Variants in FSTL5 observed in about 807,000 individuals in gnomAD.
FSTL5 encodes the protein follistatin like 5.
FSTL5 carries 62 observed loss-of-function variants against 89.1 expected under a neutral mutation model. The observed-to-expected ratio is 0.70, with a 90% confidence interval of 0.57 to 0.86. FSTL5 has a LOEUF of 0.86. Among genes scored for constraint, FSTL5 ranks in the 40% least tolerant of loss-of-function variants. The pLI, the probability that FSTL5 is intolerant of heterozygous loss-of-function variation, is 0.00. For synonymous variants in FSTL5, 383 were observed against 346.2 expected (o/e 1.11, Z -1.18); for missense variants, 1,057 against 1,001.6 (o/e 1.06, Z -0.75).
chr4:161,714,471 T>A (rs756563594), intron 6 of FSTL5, among the ~76,000 whole-genome samples: 1 of 152,128 alleles, frequency 6.6e-6, no homozygotes, highest in African/African-American at 2.4e-5. Flanking sequence ...AATAGAAAAA[T>A]AATTTTAAAA....
chr4:161,844,355 C>A (rs966874146), intron 4 of FSTL5, among the ~76,000 whole-genome samples: 11 of 152,096 alleles, frequency 7.2e-5, no homozygotes, highest in African/African-American at 2.4e-4. Context: ...TTAGTTCAAC[C>A]ATTGTGGAAG....
At chr4:161,923,670 T>A (rs1038268389) in intron 3 of FSTL5, among the ~76,000 whole-genome samples, 1 of 151,772 alleles carries the variant, frequency 6.6e-6, no homozygotes, top group Non-Finnish European at 1.5e-5. Flanking sequence ...CAAATTGAGG[T>A]AGCTTTATGA....
chr4:162,021,840 C>T (rs1451206743), intron 3 of FSTL5, among the ~76,000 whole-genome samples: 11 of 149,876 alleles, frequency 7.3e-5, no homozygotes. Flanking sequence ...CACCTGTAAT[C>T]CCAGCACTTT....
intron 7 of FSTL5, among the ~76,000 whole-genome samples, chr4:161,613,400 A>G (rs1245050984): frequency 6.6e-6 from 1 of 151,540 alleles, no homozygotes; most frequent in African/African-American, 2.4e-5. Flanking sequence ...CAGGGAGCCG[A>G]GATGGTGCCA....
At chr4:161,540,152 C>T (rs1056271821) in intron 9 of FSTL5, among the ~76,000 whole-genome samples, 6 of 152,128 alleles carry the variant, frequency 3.9e-5, no homozygotes, top group Non-Finnish European at 8.8e-5. Flanking sequence ...ATCTGCCTTC[C>T]TAACCTCTAG....
intron 4 of FSTL5, among the ~76,000 whole-genome samples, chr4:161,858,991 G>A (rs1731815711): frequency 6.6e-6 from 1 of 152,108 alleles, no homozygotes; most frequent in African/African-American, 2.4e-5. Context: ...ATCTTCACTG[G>A]GAAAATGTCT....
intron 4 of FSTL5, among the ~76,000 whole-genome samples, chr4:161,863,425 CA>C (rs1731979602): frequency 6.6e-6 from 1 of 152,078 alleles, no homozygotes; most frequent in South Asian, 2.1e-4. Flanking sequence ...AAAGTCAACA[CA>C]AAAAGGAAAA....
chr4:161,398,431 T>C (rs963803761), intron 15 of FSTL5, among the ~76,000 whole-genome samples: 4 of 152,130 alleles, frequency 2.6e-5, no homozygotes, highest in Admixed American at 2.0e-4. Context: ...TGCTCTTTTA[T>C]GTAATTGCTT....
rs183774288 is a variant in FSTL5 at position 161,975,344 on chromosome 4, G to C, written c.161-54692C>G. On this transcript the variant is annotated intron_variant, in intron 3 of 15. Transcript: ENST00000306100. ...CATTATTCACAATAGTAAAGACTTGGAACCAACCCAAACGTCCAACAGTGA... is the reference window on the plus strand; with the variant it reads ...CATTATTCACAATAGTAAAGACTTGCAACCAACCCAAACGTCCAACAGTGA... Among the ~76,000 whole-genome samples, 1,178 of 152,174 alleles carry C rather than the reference G, an allele frequency of 7.7e-3. 16 individuals are homozygous for C. The highest frequency in any genetic ancestry group is 0.027 in the African/African-American group (1,119 of 41,488).
chr4:161,848,036 CAAAAAAAAAAA>C (rs139315536), intron 4 of FSTL5, among the ~76,000 whole-genome samples: 739 of 48,234 alleles, frequency 0.015, 13 homozygotes, highest in African/African-American at 0.063. Flanking sequence ...GACTCCGTCT[CAAAAAAAAAAA>C]AAAAAAAAAA....
At chr4:161,699,861 T>C (rs1383720096) in intron 6 of FSTL5, among the ~76,000 whole-genome samples, 1 of 152,122 alleles carries the variant, frequency 6.6e-6, no homozygotes, top group Non-Finnish European at 1.5e-5. Flanking sequence ...ACCAAGATCC[T>C]CTATTACTCT....
chr4:161,929,761 C>T (rs968046022), intron 3 of FSTL5, among the ~76,000 whole-genome samples: 2 of 150,854 alleles, frequency 1.3e-5, no homozygotes, highest in Non-Finnish European at 3.0e-5. Flanking sequence ...AAGCCCAATA[C>T]ACAAAATAAT....
At chr4:161,432,046 A>G (rs961249590) in intron 15 of FSTL5, among the ~76,000 whole-genome samples, 1 of 152,198 alleles carries the variant, frequency 6.6e-6, no homozygotes, top group South Asian at 2.1e-4. Flanking sequence ...AGCATTGGAC[A>G]GATCATCCAG....
intron 7 of FSTL5, among the ~76,000 whole-genome samples, chr4:161,640,436 G>A (rs1414400445): frequency 6.6e-6 from 1 of 152,094 alleles, no homozygotes; most frequent in Non-Finnish European, 1.5e-5. Flanking sequence ...AGAAAAGCAT[G>A]TATAAACAAG....
intron 4 of FSTL5, among the ~76,000 whole-genome samples, chr4:161,841,007 C>G (rs1731193371): frequency 6.6e-6 from 1 of 152,128 alleles, no homozygotes; most frequent in Admixed American, 6.6e-5. Flanking sequence ...TTGGCTGCAT[C>G]CCTTGAACTA....
At chr4:161,970,017 TA>T (rs560944359) in intron 3 of FSTL5, among the ~76,000 whole-genome samples, 12 of 152,182 alleles carry the variant, frequency 7.9e-5, no homozygotes, top group African/African-American at 2.9e-4. Flanking sequence ...TGTTCTGGGC[TA>T]AAAAAATCGA....
At position 161,692,290 on chromosome 4, in the gene FSTL5, T is replaced by A. The variant is rs1299496580; in HGVS notation, c.728-35796A>T. On this transcript the variant is annotated intron_variant, in intron 6 of 15. Transcript: ENST00000306100. Reference sequence around the variant, plus strand: ...TTGCTGGGTATTTTTATCATAAAAGTGTGTTGAATTTTATCAAATGCTTTT... The same window carrying A: ...TTGCTGGGTATTTTTATCATAAAAGAGTGTTGAATTTTATCAAATGCTTTT... Among the ~76,000 whole-genome samples the A allele has an allele frequency of 3.9e-5, 6 of 152,018 alleles. No individual in the cohort carries two copies. The East Asian group carries it at 1.2e-3, about 29-fold the overall frequency.
At chr4:162,028,763 C>T (rs1386202921) in intron 3 of FSTL5, among the ~76,000 whole-genome samples, 1 of 151,996 alleles carries the variant, frequency 6.6e-6, no homozygotes, top group African/African-American at 2.4e-5. Context: ...ACATGAATTG[C>T]CATCTTTCAG....
At position 161,894,286 on chromosome 4, in the gene FSTL5, A is replaced by G. The variant is rs144444769; in HGVS notation, c.409+26118T>C. Reference sequence around the variant, plus strand: ...TGGTATTAGTCCTGGCATGAAAAAAATCAAGGACAAAATTTGTAAATTCAA... The same window carrying G: ...TGGTATTAGTCCTGGCATGAAAAAAGTCAAGGACAAAATTTGTAAATTCAA... On this transcript the variant is annotated intron_variant, in intron 4 of 15. Coordinates refer to ENST00000306100, the MANE Select transcript of FSTL5 (RefSeq NM_020116.5). 9.8e-3 allele frequency among the ~76,000 whole-genome samples: 1,488 copies of G among 152,204 alleles called. 14 individuals carry two copies. Among genetic ancestry groups the G allele is most frequent in the Non-Finnish European group, 0.017 (1,131 of 68,010 alleles).
Sources: gnomAD v4.1 joint callset for allele counts (sites outside exome capture counted in the v4.1 genomes callset) on GRCh38, gnomAD v4.1.1 for gene constraint, MANE v1.5 for transcripts, NCBI Gene and HGNC (gene_info 2026-07-23, HGNC 2026-07-21) for gene names.